GDA: variants seen among roughly 807,000 people sequenced by gnomAD.
The protein encoded by GDA is guanine deaminase.
Under a neutral mutation model 59.6 loss-of-function variants are expected in GDA, and 18 were observed. The ratio of observed to expected loss-of-function variants is 0.30; its 90% CI spans 0.21 to 0.45. GDA has a LOEUF of 0.45. GDA is among the 20% of genes least tolerant of loss of function. GDA has a pLI of 1.00. For missense variants in GDA, 427 were observed against 552.3 expected (o/e 0.77, Z 2.27); for synonymous variants, 201 against 201.1 (o/e 1.00, Z 0.00).
intron 1 of GDA, among the ~76,000 whole-genome samples, chr9:72,125,911 ATTTGT>A (rs974318570): frequency 1.6e-4 from 25 of 152,044 alleles, no homozygotes; most frequent in African/African-American, 6.0e-4. Context: ...GGTTCAGGAA[ATTTGT>A]TTGTTTGTTT....
chr9:72,193,101 A>ATCTT (rs1402663267), intron 1 of GDA, among the ~76,000 whole-genome samples: 1 of 152,028 alleles, frequency 6.6e-6, no homozygotes, highest in African/African-American at 2.4e-5. Context: ...AAGATTACAT[A>ATCTT]TCTTTCTCTC....
chr9:72,228,169 G>A (rs917541859), intron 9 of GDA, 129 bp downstream of exon 9: 66 of 653,808 alleles, frequency 1.0e-4, no homozygotes, highest in Non-Finnish European at 2.5e-5. Flanking sequence ...GACCCAGATA[G>A]ATAGACATTT....
exon 1 of GDA, chr9:72,114,665 T>C (rs1188513751): frequency 6.6e-6 from 1 of 152,024 alleles, no homozygotes; most frequent in Non-Finnish European, 1.5e-5. Context: ...TAATTTTTTT[T>C]GTATTTCCCC....
intron 1 of GDA, among the ~76,000 whole-genome samples, chr9:72,168,916 T>A (rs1207848496): frequency 6.6e-6 from 1 of 152,172 alleles, no homozygotes. Flanking sequence ...ATTTAACAGC[T>A]CTCATATGGA....
chr9:72,250,392 A>C lies in GDA; in HGVS notation c.*2050A>C. The C allele has an allele frequency of 8.8e-7, 1 of 1,134,856 alleles. No individual in the cohort carries two copies. Among genetic ancestry groups the C allele is most frequent in the Non-Finnish European group, 1.1e-6 (1 of 921,580 alleles). 70.3% of individuals were successfully genotyped at this position (1,134,856 alleles called of 1,614,324 possible). A position where few individuals can be genotyped will look rare whatever the true frequency, so the allele number is the denominator to read the frequency against. ...TATAAATAAGTGTAGCATCAGAAGC[A>C]GTAGGAATGGCCGTATACAACCATC... On this transcript the variant is annotated 3_prime_UTR_variant, in exon 14 of 14. Transcript: ENST00000358399.
intron 1 of GDA, among the ~76,000 whole-genome samples, chr9:72,187,060 T>C (rs1052006480): frequency 1.3e-5 from 2 of 152,232 alleles, no homozygotes; most frequent in Non-Finnish European, 2.9e-5. Flanking sequence ...TAATGCATAT[T>C]TTTAGTACAT....
chr9:72,189,441 G>A (rs1832266848), intron 1 of GDA, among the ~76,000 whole-genome samples: 1 of 151,976 alleles, frequency 6.6e-6, no homozygotes, highest in Admixed American at 6.6e-5. Context: ...GCCTCCCAAA[G>A]TGCTGGGATT....
chr9:72,119,902 A>G (rs1207928663), intron 1 of GDA, among the ~76,000 whole-genome samples: 1 of 149,032 alleles, frequency 6.7e-6, no homozygotes, highest in Non-Finnish European at 1.5e-5. Context: ...GTTTTGAAAT[A>G]ATATTTTAAA....
intron 9 of GDA, among the ~76,000 whole-genome samples, chr9:72,229,762 G>T (rs1838105171): frequency 6.6e-6 from 1 of 152,158 alleles, no homozygotes; most frequent in Non-Finnish European, 1.5e-5. Context: ...AAATTACAAA[G>T]ATATATGTCA....
intron 4 of GDA, among the ~76,000 whole-genome samples, chr9:72,211,730 G>T (rs1835396057): frequency 6.6e-6 from 1 of 152,200 alleles, no homozygotes; most frequent in African/African-American, 2.4e-5. Context: ...ATAGGGGAAG[G>T]ACACAGGTAT....
rs76669106 is a variant in GDA at position 72,218,765 on chromosome 9, G to T, written c.579-714G>T. 2.9e-3 allele frequency among the ~76,000 whole-genome samples: 445 copies of T among 152,296 alleles called. 3 individuals are homozygous for T. The highest frequency in any genetic ancestry group is 6.6e-3 in the South Asian group (32 of 4,832). On this transcript the variant is annotated intron_variant, in intron 5 of 13. Transcript: ENST00000358399. The stretch of plus-strand genomic sequence containing the variant: ...AGTAGCTTCCACTTTAGGAGAATTC[G>T]AAGTAAAGAGCTTCATGGCTTCTAA...
intron 1 of GDA, among the ~76,000 whole-genome samples, chr9:72,135,928 A>G (rs1053657945): frequency 2.8e-4 from 42 of 152,106 alleles, no homozygotes; most frequent in African/African-American, 9.6e-4. Context: ...TTCTATGACC[A>G]TAGTTTGACA....
chr9:72,213,187 G>A (rs1187065624), intron 4 of GDA, among the ~76,000 whole-genome samples: 1 of 152,128 alleles, frequency 6.6e-6, no homozygotes, highest in East Asian at 1.9e-4. Flanking sequence ...AGAATCACTT[G>A]AACCAGGGAG....
intron 1 of GDA, among the ~76,000 whole-genome samples, chr9:72,159,918 C>A (rs961451588): frequency 6.6e-6 from 1 of 152,028 alleles, no homozygotes; most frequent in Non-Finnish European, 1.5e-5. Flanking sequence ...ACTTAAAATT[C>A]ACCATTTTAA....
chr9:72,238,627 C>G (rs1268589024), intron 10 of GDA, among the ~76,000 whole-genome samples: 2 of 152,210 alleles, frequency 1.3e-5, no homozygotes, highest in Admixed American at 6.5e-5. Context: ...CCATTGTCCT[C>G]TGGCTTAAGT....
At chr9:72,131,506 C>T (rs187753771) in intron 1 of GDA, among the ~76,000 whole-genome samples, 4 of 152,214 alleles carry the variant, frequency 2.6e-5, no homozygotes, top group Non-Finnish European at 5.9e-5. Flanking sequence ...CCCACCAGGC[C>T]CCATCTCCAA....
chr9:72,115,512 C>G (rs1825406197), intron 1 of GDA, among the ~76,000 whole-genome samples: 1 of 152,092 alleles, frequency 6.6e-6, no homozygotes, highest in Admixed American at 6.6e-5. Flanking sequence ...TGAAGGAGAT[C>G]AGCTATAATT....
chr9:72,210,693 A>G lies in GDA; in HGVS notation c.391A>G (p.Thr131Ala), dbSNP rs1224417867. 6.3e-7 allele frequency: 1 copy of G among 1,591,398 alleles called. No individual in the cohort carries two copies. The highest frequency in any genetic ancestry group is 1.3e-5 in the African/African-American group (1 of 74,582). Residue 131 changes from threonine (T) to alanine (A), a missense_variant, in exon 4 of 14, where the codon ACA (threonine) becomes GCA (alanine). Thr to Ala is a moderately conservative substitution (Grantham distance 58, BLOSUM62 0). Coordinates refer to ENST00000358399, the MANE Select transcript of GDA (RefSeq NM_004293.5). ...TTTTGTGATTTATTTTTAGAGGAGA[A>G]CACTAAAGAATGGAACAACCACAGC... is the stretch of plus-strand genomic sequence containing the variant. Reference protein sequence around the residue: ...EEVYTRVVRRTLKNGTTTACY... With the variant: ...EEVYTRVVRRALKNGTTTACY...
chr9:72,223,257 A>G, intron 7 of GDA, 30 bp downstream of exon 7: 1 of 1,186,092 alleles, frequency 8.4e-7, no homozygotes, highest in Non-Finnish European at 1.3e-6. Flanking sequence ...TTATGCCTCT[A>G]TGCAGACCTG....
Sources: allele counts gnomAD v4.1 joint callset (sites outside exome capture counted in the v4.1 genomes callset), GRCh38; gene constraint gnomAD v4.1.1; transcripts MANE v1.5; gene names NCBI Gene and HGNC (gene_info 2026-07-23, HGNC 2026-07-21).